The following OR51B5 variants were observed in gnomAD, a reference collection of about 807,000 sequenced individuals.
OR51B5 encodes the protein olfactory receptor 51B5.
For synonymous variants in OR51B5, 186 were observed against 144.8 expected (o/e 1.28, Z -2.04); for missense variants, 456 against 374.6 (o/e 1.22, Z -1.79).
chr11:5,445,981 C>T (rs1047978091), intron 1 of OR51B5, among the ~76,000 whole-genome samples: 4 of 151,972 alleles, frequency 2.6e-5, no homozygotes, highest in African/African-American at 9.7e-5. Flanking sequence ...TGGAAACCAT[C>T]ATTCTCAGCA....
At chr11:5,345,120 C>T (rs561362377), upstream of OR51B5, among the ~76,000 whole-genome samples, 15 of 152,222 alleles carry the variant, frequency 9.9e-5, no homozygotes, top group Middle Eastern at 3.4e-3. Context: ...CAGACCACCA[C>T]GGAATTTTTG....
intron 1 of OR51B5, among the ~76,000 whole-genome samples, chr11:5,495,981 C>T (rs538635391): frequency 6.6e-6 from 1 of 152,168 alleles, no homozygotes; most frequent in African/African-American, 2.4e-5. Context: ...ATACCTTAAC[C>T]TCTCCATGAA....
At chr11:5,366,651 GGGAAGGAAA>G (rs1849373529) in intron 1 of OR51B5, among the ~76,000 whole-genome samples, 1 of 147,992 alleles carries the variant, frequency 6.8e-6, no homozygotes, top group Admixed American at 6.8e-5. Flanking sequence ...GAGGAAGGAA[GGGAAGGAAA>G]GGAAGGAAGA....
intron 1 of OR51B5, among the ~76,000 whole-genome samples, chr11:5,354,290 T>A (rs1423755264): frequency 6.6e-6 from 1 of 152,228 alleles, no homozygotes; most frequent in Admixed American, 6.5e-5. Context: ...AAAATCTTTC[T>A]TGACTCACCC....
chr11:5,343,420 G>A (rs1848936674), exon 1 of OR51B5: 2 of 1,612,978 alleles, frequency 1.2e-6, no homozygotes, highest in Admixed American at 1.7e-5. Context: ...CAAAAAGGAT[G>A]GATATATACA....
chr11:5,366,428 G>A (rs1466031352), intron 1 of OR51B5, among the ~76,000 whole-genome samples: 1 of 152,092 alleles, frequency 6.6e-6, no homozygotes, highest in East Asian at 1.9e-4. Flanking sequence ...CCAACATGGT[G>A]AAACCCTGTC....
intron 1 of OR51B5, among the ~76,000 whole-genome samples, chr11:5,373,588 T>A (rs1371160333): frequency 6.6e-6 from 1 of 151,844 alleles, no homozygotes; most frequent in East Asian, 1.9e-4. Flanking sequence ...AGGAAAGGGG[T>A]GACATACGGC....
chr11:5,392,923 A>G (rs1849818220), intron 1 of OR51B5: 1 of 55,464 alleles, frequency 1.8e-5, no homozygotes. Context: ...AAAACAAAAA[A>G]AAAGAAAAAT....
intron 1 of OR51B5, among the ~76,000 whole-genome samples, chr11:5,494,785 G>C (rs961755012): frequency 6.6e-6 from 1 of 152,114 alleles, no homozygotes; most frequent in Non-Finnish European, 1.5e-5. Context: ...CAAAATGCTT[G>C]GCACAGAGCA....
chr11:5,489,779 G>C (rs1024058212), intron 1 of OR51B5: 1 of 725,288 alleles, frequency 1.4e-6, no homozygotes, highest in African/African-American at 1.8e-5. Context: ...GGAAGCTCTG[G>C]AAGGAAGAGG....
upstream of OR51B5, among the ~76,000 whole-genome samples, chr11:5,347,287 C>T (rs1849008029): frequency 6.6e-6 from 1 of 152,166 alleles, no homozygotes; most frequent in African/African-American, 2.4e-5. Context: ...ACCTGAATTT[C>T]TACTATATTT....
intron 1 of OR51B5, among the ~76,000 whole-genome samples, chr11:5,366,512 G>A (rs139513568): frequency 3.3e-5 from 5 of 152,238 alleles, no homozygotes; most frequent in East Asian, 3.9e-4. Flanking sequence ...AGGAGGCTGA[G>A]GTAGGAGAAT....
At chr11:5,397,993 C>T (rs966605715) in intron 1 of OR51B5, among the ~76,000 whole-genome samples, 1 of 151,856 alleles carries the variant, frequency 6.6e-6, no homozygotes, top group African/African-American at 2.4e-5. Context: ...TAGGTGGGAA[C>T]TGAACAATGA....
chr11:5,497,916 G>C (rs530465712), intron 1 of OR51B5, among the ~76,000 whole-genome samples: 1 of 152,240 alleles, frequency 6.6e-6, no homozygotes, highest in African/African-American at 2.4e-5. Context: ...CTCTTCCAAG[G>C]AAATGCATTT....
intron 1 of OR51B5, among the ~76,000 whole-genome samples, chr11:5,360,155 A>G (rs1849258360): frequency 2.0e-5 from 3 of 149,502 alleles, no homozygotes; most frequent in Admixed American, 2.0e-4. Context: ...GGATCTAATT[A>G]AACTAAAGAG....
intron 1 of OR51B5, chr11:5,352,004 A>G (rs758412504): frequency 3.7e-6 from 6 of 1,613,650 alleles, no homozygotes; most frequent in Admixed American, 1.7e-5. Flanking sequence ...TGGTTTCCCT[A>G]CTGTCGATCC....
intron 1 of OR51B5, among the ~76,000 whole-genome samples, chr11:5,443,511 GTT>G (rs79669964): frequency 0.062 from 9,080 of 145,640 alleles, 320 homozygotes; most frequent in South Asian, 0.098. Context: ...GTTCAGATCT[GTT>G]TTTTTTTTTT....
intron 1 of OR51B5, among the ~76,000 whole-genome samples, chr11:5,470,075 A>G (rs112434765): frequency 2.3e-4 from 35 of 152,292 alleles, no homozygotes; most frequent in African/African-American, 7.5e-4. Context: ...CTCTGTTTAG[A>G]CCACAGATTC....
chr11:5,465,122 C>T (rs1210869802), intron 1 of OR51B5, among the ~76,000 whole-genome samples: 4 of 134,698 alleles, frequency 3.0e-5, no homozygotes, highest in South Asian at 2.4e-4. Flanking sequence ...AGGAGAATGG[C>T]GTGAACCCGG....
Sources: gnomAD v4.1 joint callset for allele counts (sites outside exome capture counted in the v4.1 genomes callset) on GRCh38, gnomAD v4.1.1 for gene constraint, MANE v1.5 for transcripts, NCBI Gene and HGNC (gene_info 2026-07-23, HGNC 2026-07-21) for gene names.